The following MET variants were observed in gnomAD, a reference collection of about 807,000 sequenced individuals.
MET encodes hepatocyte growth factor receptor.
MET carries 48 observed loss-of-function variants against 133.1 expected under a neutral mutation model. The ratio of observed to expected loss-of-function variants is 0.36; its 90% confidence interval spans 0.29 to 0.46. The LOEUF (loss-of-function observed/expected upper bound fraction) is 0.46, where lower values mean the gene tolerates loss of function less well. Ranked by LOEUF, MET falls within the 20% of genes least tolerant of loss-of-function variation. MET has a pLI of 1.00. For synonymous variants in MET, 628 were observed against 616.5 expected (o/e 1.02, Z -0.28); for missense variants, 1,442 against 1,695.9 (o/e 0.85, Z 2.63).
chr7:116,712,045 T>C (rs980556323), intron 2 of MET, among the ~76,000 whole-genome samples: 19 of 152,150 alleles, frequency 1.2e-4, no homozygotes, highest in African/African-American at 4.6e-4. Flanking sequence ...TGAACTGTTA[T>C]GAGATGGTTC....
At chr7:116,730,221 G>T (rs1373068448) in intron 2 of MET, among the ~76,000 whole-genome samples, 1 of 152,174 alleles carries the variant, frequency 6.6e-6, no homozygotes, top group African/African-American at 2.4e-5. Context: ...TTCAAGCCGG[G>T]AAATAGCATC....
Position 116,678,441 on chromosome 7 carries a change from T to TA in MET, c.-15+5870dup, listed in dbSNP as rs1290026340. On this transcript the variant is annotated intron_variant, in intron 1 of 20. Coordinates refer to ENST00000397752, the MANE Select transcript of MET (RefSeq NM_000245.4). Reference sequence around the variant, plus strand: ...CAATTTGAAAATGTATGTTTTTTTTTAAAAAAGAATGACTTGGGGAATAAC... The same window carrying TA: ...CAATTTGAAAATGTATGTTTTTTTTTAAAAAAAGAATGACTTGGGGAATAAC... Among the ~76,000 whole-genome samples, 7 of 133,410 alleles carry TA rather than the reference T, an allele frequency of 5.2e-5. No homozygotes were observed. In the South Asian group the frequency reaches 1.2e-3, roughly 24 times the overall value. 87.5% of individuals were successfully genotyped at this position (133,410 alleles called of 152,430 possible). A position where few individuals can be genotyped will look rare whatever the true frequency, so the allele number is the denominator to read the frequency against.
At chr7:116,690,043 T>A (rs1386215990) in intron 1 of MET, among the ~76,000 whole-genome samples, 1 of 152,080 alleles carries the variant, frequency 6.6e-6, no homozygotes, top group Admixed American at 6.6e-5. Flanking sequence ...GAAATAACAC[T>A]ATTTAAACTT....
intron 5 of MET, among the ~76,000 whole-genome samples, chr7:116,743,420 A>C (rs1793540830): frequency 6.6e-6 from 1 of 152,200 alleles, no homozygotes; most frequent in Non-Finnish European, 1.5e-5. Flanking sequence ...CAGGGAGCCA[A>C]GTGGTCTAGC....
chr7:116,708,795 C>T (rs1231158668), intron 2 of MET, among the ~76,000 whole-genome samples: 3 of 152,090 alleles, frequency 2.0e-5, no homozygotes, highest in Non-Finnish European at 2.9e-5. Context: ...CTTGGGACCC[C>T]GTTTGTCAGA....
At chr7:116,775,301 A>G (rs1794960307) in intron 15 of MET, among the ~76,000 whole-genome samples, 190 bp downstream of exon 15, 1 of 152,246 alleles carries the variant, frequency 6.6e-6, no homozygotes, top group South Asian at 2.1e-4. Context: ...GCCCTTGTGC[A>G]TGGAAGCAAT....
intron 17 of MET, among the ~76,000 whole-genome samples, chr7:116,781,164 T>C (rs1407944805): frequency 6.6e-6 from 1 of 152,032 alleles, no homozygotes; most frequent in Non-Finnish European, 1.5e-5. Context: ...ATTGGCCAGC[T>C]CCAAACCTGC....
chr7:116,782,095 T>C lies in MET; in HGVS notation c.3630T>C (p.Cys1210=), dbSNP rs1262768593. 2 of 1,598,894 alleles carry C rather than the reference T, an allele frequency of 1.3e-6. No homozygotes were observed. Among genetic ancestry groups the C allele is most frequent in the South Asian group, 1.1e-5 (1 of 90,480 alleles). ...FVHRDLAARN[C]MLDEKFTVKV... The stretch of plus-strand genomic sequence containing the variant: ...ACAGAGACTTGGCTGCAAGAAACTG[T>C]ATGTAAGTATCAGAATCTCTGTGCC... Residue 1210 remains cysteine, a splice_region_variant and synonymous_variant, in exon 18 of 21, where the codon TGT becomes TGC. Transcript: ENST00000397752.
chr7:116,774,072 G>T (rs576035513), intron 14 of MET, among the ~76,000 whole-genome samples: 6 of 152,110 alleles, frequency 3.9e-5, no homozygotes, highest in African/African-American at 1.4e-4. Flanking sequence ...AATTCCCAGT[G>T]GAAAGAGAAA....
rs1796007430 is a variant in MET, at chr7:116,672,448, C to A, written c.-144C>A. 1 of 396,956 alleles carries A rather than the reference C, an allele frequency of 2.5e-6. No homozygotes were observed. Among genetic ancestry groups the A allele is most frequent in the African/African-American group, 2.1e-5 (1 of 48,512 alleles). The allele number at this position is 396,956 out of a possible 1,614,324, so 24.6% of individuals were successfully genotyped here. A position where few individuals can be genotyped will look rare whatever the true frequency, so the allele number is the denominator to read the frequency against. ...GCCCCGAGCGCTTTGTGAGCAGATG[C>A]GGAGCCGAGTGGAGGGCGCGAGCCA... On this transcript the variant is annotated 5_prime_UTR_variant, in exon 1 of 21. Transcript: ENST00000397752.
chr7:116,707,559 G>A (rs1341952484), intron 2 of MET, among the ~76,000 whole-genome samples: 1 of 152,142 alleles, frequency 6.6e-6, no homozygotes, highest in Non-Finnish European at 1.5e-5. Flanking sequence ...GTGTATCAAA[G>A]AAGTAAATTT....
At chr7:116,676,375 C>G (rs543756448) in intron 1 of MET, among the ~76,000 whole-genome samples, 112 of 152,222 alleles carry the variant, frequency 7.4e-4, no homozygotes, top group Non-Finnish European at 1.2e-3. Context: ...TCCTGTACTC[C>G]AAGAATGTGA....
intron 2 of MET, among the ~76,000 whole-genome samples, chr7:116,716,448 G>T (rs894422930): frequency 2.2e-5 from 3 of 134,028 alleles, no homozygotes; most frequent in Non-Finnish European, 4.8e-5. Context: ...AGGAAAGAAA[G>T]AAAAAGAAAA....
chr7:116,781,740 T>C (rs954375089), intron 17 of MET, among the ~76,000 whole-genome samples: 4 of 152,078 alleles, frequency 2.6e-5, no homozygotes, highest in African/African-American at 9.7e-5. Flanking sequence ...GCTAATTTTT[T>C]TGTGGGCGGT....
At chr7:116,786,182 A>G (rs2117076652) in intron 19 of MET, among the ~76,000 whole-genome samples, 1 of 152,308 alleles carries the variant, frequency 6.6e-6, no homozygotes, top group African/African-American at 2.4e-5. Context: ...CATGGCTAAA[A>G]GAATAAGAGT....
At chr7:116,770,023 A>G (rs1385182317) in intron 12 of MET, 2 of 580,184 alleles carry the variant, frequency 3.4e-6, no homozygotes, top group Non-Finnish European at 6.2e-6. Context: ...CTGCTTCTCC[A>G]TCACGCCACA....
At position 116,783,387 on chromosome 7, in the gene MET, A is replaced by G. The variant is rs1362733840; in HGVS notation, c.3716A>G (p.Asn1239Ser). 6.2e-7 allele frequency: 1 copy of G among 1,614,192 alleles called. No homozygotes were observed. The highest frequency in any genetic ancestry group is 8.5e-7 in the Non-Finnish European group (1 of 1,180,026). Residue 1239 changes from asparagine (N) to serine (S), a missense_variant, in exon 19 of 21, where the codon AAC becomes AGC. Asn to Ser is a conservative substitution (Grantham distance 46). This residue lies in a region of MET where 38 missense variants were observed against 40.6 expected (regional missense o/e 0.94). Coordinates refer to ENST00000397752, the MANE Select transcript of MET (RefSeq NM_000245.4). ...MYDKEYYSVH[N>S]KTGAKLPVKW... ...GATAAAGAATACTATAGTGTACACA[A>G]CAAAACAGGTGCAAAGCTGCCAGTG...
intron 1 of MET, among the ~76,000 whole-genome samples, chr7:116,681,954 C>T (rs1278995056): frequency 1.3e-5 from 2 of 152,054 alleles, no homozygotes; most frequent in Non-Finnish European, 2.9e-5. Context: ...AAAAAACTTC[C>T]TCCTAACATA....
At chr7:116,717,895 C>A (rs1291695835) in intron 2 of MET, among the ~76,000 whole-genome samples, 5 of 152,014 alleles carry the variant, frequency 3.3e-5, no homozygotes, top group African/African-American at 7.2e-5. Flanking sequence ...CTTCAATTTT[C>A]TTTTTATAAA....
Sources: allele counts gnomAD v4.1 joint callset (sites outside exome capture counted in the v4.1 genomes callset), GRCh38; gene constraint gnomAD v4.1.1; regional missense constraint gnomAD v4.1.1; transcripts MANE v1.5; gene names NCBI Gene and HGNC (gene_info 2026-07-23, HGNC 2026-07-21).